DTNB: variants seen among roughly 807,000 people sequenced by gnomAD.
DTNB encodes dystrobrevin beta, also known as DTN-B.
In DTNB, 63 loss-of-function variants were observed where a neutral mutation model predicts 90.7. That is an observed-to-expected ratio of 0.69 (90% confidence interval 0.57 to 0.86). The LOEUF is 0.86. Among genes scored for constraint, DTNB ranks in the 40% least tolerant of loss-of-function variants. DTNB has a pLI of 0.00. For missense variants in DTNB, 744 were observed against 807.1 expected (o/e 0.92, Z 0.95); for synonymous variants, 277 against 286.7 (o/e 0.97, Z 0.34).
At position 25,526,370 on chromosome 2, in the gene DTNB, TATATATATATATATATATATATA is replaced by T. The variant is rs1558883745; in HGVS notation, c.1001+5080_1001+5102del. Reference sequence around the variant, plus strand: ...ACTTATAAATATATATAAATATATATATATATATATATATATATATATATATTTTTTTTTTTTTAATTGAGACA... The same window carrying T: ...ACTTATAAATATATATAAATATATATTATTTTTTTTTTTTTAATTGAGACA... On this transcript the variant is annotated intron_variant, in intron 9 of 20. Coordinates refer to ENST00000406818, the MANE Select transcript of DTNB (RefSeq NM_021907.5). 7.8e-3 allele frequency among the ~76,000 whole-genome samples: 439 copies of T among 56,512 alleles called. 8 individuals are homozygous for T. Among genetic ancestry groups the T allele is most frequent in the African/African-American group, 0.033 (417 of 12,814 alleles). The allele number at this position is 56,512 out of a possible 152,430, so 37.1% of individuals were successfully genotyped here.
At chr2:25,495,642 T>C (rs1025557549) in intron 9 of DTNB, among the ~76,000 whole-genome samples, 2 of 152,196 alleles carry the variant, frequency 1.3e-5, no homozygotes, top group Admixed American at 6.5e-5. Flanking sequence ...TTGAGTAGCA[T>C]GCTCTTTGTC....
intron 8 of DTNB, among the ~76,000 whole-genome samples, chr2:25,540,804 G>C (rs1314706546): frequency 6.6e-6 from 1 of 152,004 alleles, no homozygotes; most frequent in Admixed American, 6.6e-5. Context: ...GATTAAGGGC[G>C]GTGCAAGATG....
chr2:25,393,735 G>C (rs1338040851), intron 16 of DTNB, among the ~76,000 whole-genome samples: 2 of 152,128 alleles, frequency 1.3e-5, no homozygotes, highest in Non-Finnish European at 1.5e-5. Flanking sequence ...ACTGCTGAAA[G>C]AAATCATAGA....
chr2:25,663,663 AAC>A (rs2149029336), intron 1 of DTNB, among the ~76,000 whole-genome samples: 1 of 152,284 alleles, frequency 6.6e-6, no homozygotes, highest in South Asian at 2.1e-4. Context: ...TTATTATTGA[AAC>A]AGAGTATACC....
At chr2:25,577,630 A>G (rs2060899465) in intron 7 of DTNB, among the ~76,000 whole-genome samples, 1 of 152,202 alleles carries the variant, frequency 6.6e-6, no homozygotes, top group South Asian at 2.1e-4. Flanking sequence ...ACAGATCACT[A>G]TTTATACTTT....
At chr2:25,548,499 G>A (rs2082917494) in intron 8 of DTNB, among the ~76,000 whole-genome samples, 1 of 151,950 alleles carries the variant, frequency 6.6e-6, no homozygotes, top group Admixed American at 6.6e-5. Flanking sequence ...AAGGAGGTGA[G>A]GGAGGGAAGC....
intron 1 of DTNB, among the ~76,000 whole-genome samples, chr2:25,662,899 A>AT (rs2083548844): frequency 2.6e-5 from 4 of 151,988 alleles, no homozygotes; most frequent in Admixed American, 2.0e-4. Context: ...GTGGAAACAT[A>AT]TTTTTTTAAT....
chr2:25,669,594 C>T (rs2085337735), intron 1 of DTNB, among the ~76,000 whole-genome samples: 1 of 152,176 alleles, frequency 6.6e-6, no homozygotes, highest in Non-Finnish European at 1.5e-5. Context: ...CTAGGGCTGG[C>T]AGGATGCATT....
At chr2:25,622,889 T>C (rs1242506982) in intron 4 of DTNB, among the ~76,000 whole-genome samples, 1 of 151,310 alleles carries the variant, frequency 6.6e-6, no homozygotes, top group Non-Finnish European at 1.5e-5. Flanking sequence ...AAAAGAAAAA[T>C]CAGATATATT....
At chr2:25,610,941 T>G (rs1191989700) in intron 4 of DTNB, among the ~76,000 whole-genome samples, 1 of 152,106 alleles carries the variant, frequency 6.6e-6, no homozygotes, top group East Asian at 1.9e-4. Flanking sequence ...AACTCCTGAC[T>G]TCAGGTGATC....
chr2:25,557,236 AG>A (rs2057513903), intron 8 of DTNB, among the ~76,000 whole-genome samples: 1 of 152,186 alleles, frequency 6.6e-6, no homozygotes, highest in South Asian at 2.1e-4. Flanking sequence ...CTGGAGTTAG[AG>A]GGAGTATGAG....
chr2:25,386,067 G>C (rs1301261046), intron 18 of DTNB: 1 of 985,360 alleles, frequency 1.0e-6, no homozygotes, highest in South Asian at 4.7e-5. Flanking sequence ...TTCTGTTTAT[G>C]TGTACAGAGC....
chr2:25,576,045 C>T (rs1287976452), intron 8 of DTNB, among the ~76,000 whole-genome samples: 1 of 152,030 alleles, frequency 6.6e-6, no homozygotes, highest in Non-Finnish European at 1.5e-5. Flanking sequence ...TTGTAAAATA[C>T]AATGTTTTTT....
At chr2:25,521,642 C>G (rs976983022) in intron 9 of DTNB, among the ~76,000 whole-genome samples, 1 of 152,166 alleles carries the variant, frequency 6.6e-6, no homozygotes, top group African/African-American at 2.4e-5. Flanking sequence ...GTGATCCACT[C>G]CCCTTGGCCT....
intron 4 of DTNB, among the ~76,000 whole-genome samples, chr2:25,627,129 T>C (rs1362950018): frequency 6.6e-6 from 1 of 152,214 alleles, no homozygotes; most frequent in African/African-American, 2.4e-5. Flanking sequence ...GAAAATCTGT[T>C]TGGCCAGGTG....
Position 25,400,126 on chromosome 2 carries a change from A to G in DTNB, c.1576-11765T>C, listed in dbSNP as rs890985902. Reference sequence around the variant, plus strand: ...CTGTATAAGATGGAACTATCTCAGGAAAGAGTCTGAAATAAGGTCCTTCTA... The same window carrying G: ...CTGTATAAGATGGAACTATCTCAGGGAAGAGTCTGAAATAAGGTCCTTCTA... On this transcript the variant is annotated intron_variant, in intron 16 of 20. Transcript: ENST00000406818. Among the ~76,000 whole-genome samples, 4 of 152,178 alleles carry G rather than the reference A, an allele frequency of 2.6e-5. No individual in the cohort carries two copies. In the East Asian group the frequency reaches 5.8e-4, roughly 22 times the overall value.
At chr2:25,604,559 G>A (rs1364347838) in intron 5 of DTNB, among the ~76,000 whole-genome samples, 1 of 151,694 alleles carries the variant, frequency 6.6e-6, no homozygotes, top group Non-Finnish European at 1.5e-5. Flanking sequence ...GGTATGTACT[G>A]CCATGCCAAA....
chr2:25,531,527 G>A lies in DTNB; in HGVS notation c.947C>T (p.Pro316Leu), dbSNP rs749861547. Reference protein sequence around the residue: ...SLGCVPTREPPHPVFPEQPEK... With the variant: ...SLGCVPTREPLHPVFPEQPEK... ...TGGTTGCTCAGGAAAAACAGGATGC[G>A]GGGGTTCTCTCGTGGGTACACACCC... The change falls in exon 9 of 21, where the codon CCG becomes CTG. Residue 316 changes from proline (P) to leucine (L), a missense_variant. Pro to Leu is a moderately conservative substitution (Grantham distance 98). Coordinates refer to ENST00000406818, the MANE Select transcript of DTNB (RefSeq NM_021907.5). The A allele has an allele frequency of 1.6e-5, 26 of 1,613,802 alleles. No homozygotes were observed. Among genetic ancestry groups the A allele is most frequent in the African/African-American group, 8.0e-5 (6 of 74,896 alleles).
chr2:25,511,390 T>G (rs2150690473), intron 9 of DTNB, among the ~76,000 whole-genome samples: 1 of 152,186 alleles, frequency 6.6e-6, no homozygotes, highest in East Asian at 1.9e-4. Flanking sequence ...TGGAGTGCAA[T>G]GCGCGATCTT....
Sources: allele counts gnomAD v4.1 joint callset (sites outside exome capture counted in the v4.1 genomes callset), GRCh38; gene constraint gnomAD v4.1.1; transcripts MANE v1.5; gene names NCBI Gene and HGNC (gene_info 2026-07-23, HGNC 2026-07-21).